Variants in EXOC2 observed in about 807,000 individuals in gnomAD.
EXOC2 encodes exocyst complex component 2.
Under a neutral mutation model 131.8 loss-of-function variants are expected in EXOC2, and 70 were observed. That is an observed-to-expected ratio of 0.53 (90% CI 0.44 to 0.65). The LOEUF is 0.65. Ranked by LOEUF, EXOC2 falls within the 30% of genes least tolerant of loss-of-function variation. The pLI is 0.00. For missense variants in EXOC2, 923 were observed against 1,108.6 expected, an observed-to-expected ratio of 0.83 and a Z score of 2.38; for synonymous variants, 411 against 398.4, an observed-to-expected ratio of 1.03 and a Z score of -0.38.
rs184036542 is a variant in EXOC2, at chr6:615,256, G to A, written c.661+2455C>T. Among the ~76,000 whole-genome samples the A allele has an allele frequency of 1.4e-3, 215 of 151,056 alleles. 1 individual carries two copies. The highest frequency in any genetic ancestry group is 0.011 in the South Asian group (52 of 4,760). On this transcript the variant is annotated intron_variant, in intron 6 of 27. Transcript: ENST00000230449. ...ATTTATCTATCTGTCTCACCTGTTC[G>A]TTCCCAGTCCCCCCTTGAAGCTACT...
At chr6:585,059 C>CA (rs368599845) in intron 11 of EXOC2, among the ~76,000 whole-genome samples, 393 of 152,304 alleles carry the variant, frequency 2.6e-3, no homozygotes, top group African/African-American at 9.0e-3. Flanking sequence ...AGACGGGTGA[C>CA]ACTTCTTAAT....
At chr6:683,715 T>C (rs1244926533) in intron 1 of EXOC2, among the ~76,000 whole-genome samples, 1 of 152,252 alleles carries the variant, frequency 6.6e-6, no homozygotes, top group African/African-American at 2.4e-5. Flanking sequence ...TTTCCAAAAA[T>C]ACATCAACTT....
At chr6:570,258 C>G (rs576198579) in intron 13 of EXOC2, among the ~76,000 whole-genome samples, 25 of 151,884 alleles carry the variant, frequency 1.6e-4, no homozygotes, top group African/African-American at 6.1e-4. Flanking sequence ...CTCAGCCTCC[C>G]GAGTAGCTGC....
intron 23 of EXOC2, among the ~76,000 whole-genome samples, chr6:523,014 C>T (rs552832695): frequency 1.3e-5 from 2 of 151,988 alleles, no homozygotes; most frequent in African/African-American, 2.4e-5. Flanking sequence ...AAATGAACTT[C>T]GAAAGAATAT....
chr6:507,347 C>G (rs1764623104), intron 23 of EXOC2, among the ~76,000 whole-genome samples: 1 of 82,144 alleles, frequency 1.2e-5, no homozygotes, highest in African/African-American at 3.4e-5. Flanking sequence ...ACACACACCA[C>G]AGCAGTGACC....
intron 23 of EXOC2, among the ~76,000 whole-genome samples, chr6:529,796 A>G (rs1035441915): frequency 2.6e-5 from 4 of 152,204 alleles, no homozygotes; most frequent in Non-Finnish European, 5.9e-5. Context: ...AATAGTTTAC[A>G]TAACTAAACA....
intron 13 of EXOC2, among the ~76,000 whole-genome samples, chr6:571,916 A>C (rs1361535685): frequency 6.6e-6 from 1 of 152,240 alleles, no homozygotes; most frequent in Non-Finnish European, 1.5e-5. Context: ...TGTGCCACAC[A>C]TAACAGAGTC....
chr6:685,078 G>A lies in EXOC2; in HGVS notation c.-44+7941C>T, dbSNP rs576556073. ...CCTCATGATGTGAAAACACTATTTCGCTAACAGATCAGACTATAGAAAGGT... is the reference window on the plus strand; with the variant it reads ...CCTCATGATGTGAAAACACTATTTCACTAACAGATCAGACTATAGAAAGGT... On this transcript the variant is annotated intron_variant, in intron 1 of 27. Coordinates refer to ENST00000230449, the MANE Select transcript of EXOC2 (RefSeq NM_018303.6). 4.6e-5 allele frequency among the ~76,000 whole-genome samples: 7 copies of A among 151,914 alleles called. No individual in the cohort carries two copies. In the East Asian group the frequency reaches 7.7e-4, roughly 17 times the overall value.
chr6:687,171 C>CTTTTTTTTTTT (rs762736216), intron 1 of EXOC2, among the ~76,000 whole-genome samples: 1,036 of 78,364 alleles, frequency 0.013, 270 homozygotes, highest in Non-Finnish European at 0.015. Flanking sequence ...AAATAATATT[C>CTTTTTTTTTTT]TTTTTTTTTT....
chr6:551,145 G>A (rs1057190415), intron 21 of EXOC2, among the ~76,000 whole-genome samples: 4 of 152,152 alleles, frequency 2.6e-5, no homozygotes, highest in Non-Finnish European at 4.4e-5. Context: ...TGAAAACAAC[G>A]CCGCCCATCA....
At chr6:521,677 C>T (rs890294160) in intron 23 of EXOC2, among the ~76,000 whole-genome samples, 6 of 152,154 alleles carry the variant, frequency 3.9e-5, no homozygotes, top group African/African-American at 1.2e-4. Context: ...CAGGTATGTG[C>T]CACCATGCCC....
At chr6:639,116 GAGA>G (rs376983098) in intron 1 of EXOC2, among the ~76,000 whole-genome samples, 13 of 152,214 alleles carry the variant, frequency 8.5e-5, no homozygotes, top group African/African-American at 2.6e-4. Context: ...GTCTGGAGAA[GAGA>G]AGTTTAGTCT....
Position 598,863 on chromosome 6 carries a change from T to C in EXOC2, c.967A>G (p.Lys323Glu). 1 of 1,608,964 alleles carries C rather than the reference T, an allele frequency of 6.2e-7. No individual in the cohort carries two copies. Among genetic ancestry groups the C allele is most frequent in the South Asian group, 1.1e-5 (1 of 89,474 alleles). ...FGKTEVQVFK[K>E]YYAEVETRIE... ...AAAAGTAATACATGAATCTTACATT[T>C]CTTGAAAACTTGCACCTCCGTTTTC... Residue 323 changes from lysine to glutamate, a missense_variant, in exon 9 of 28, where the codon AAA becomes GAA. Transcript: ENST00000230449.
intron 2 of EXOC2, among the ~76,000 whole-genome samples, chr6:634,071 C>CT (rs11386557): frequency 0.05 from 7,529 of 150,082 alleles, 204 homozygotes; most frequent in Middle Eastern, 0.079. Flanking sequence ...TTGACGTTTT[C>CT]TTTTTTTTTT....
intron 25 of EXOC2, among the ~76,000 whole-genome samples, chr6:492,538 G>A (rs1763498154): frequency 6.6e-6 from 1 of 152,198 alleles, no homozygotes; most frequent in South Asian, 2.1e-4. Context: ...TAAATAAAAT[G>A]TGGCATATTT....
At chr6:567,636 T>C (rs1158325885) in intron 13 of EXOC2, among the ~76,000 whole-genome samples, 1 of 152,182 alleles carries the variant, frequency 6.6e-6, no homozygotes, top group African/African-American at 2.4e-5. Context: ...ACATTAATGT[T>C]TCATACATGT....
chr6:545,837 A>C (rs1278577345), intron 22 of EXOC2, among the ~76,000 whole-genome samples: 1 of 152,234 alleles, frequency 6.6e-6, no homozygotes, highest in Non-Finnish European at 1.5e-5. Flanking sequence ...GAGAGGTTAA[A>C]AATACTACGT....
intron 26 of EXOC2, 98 bp downstream of exon 26, chr6:491,027 A>T: frequency 8.2e-7 from 1 of 1,222,344 alleles, no homozygotes; most frequent in Non-Finnish European, 1.2e-6. Context: ...ATTCATGAGC[A>T]TGTGCTCTGA....
At chr6:545,078 C>T (rs376765321) in intron 22 of EXOC2, among the ~76,000 whole-genome samples, 20 of 136,372 alleles carry the variant, frequency 1.5e-4, no homozygotes, top group East Asian at 1.4e-3. Flanking sequence ...ACCCGGGAAG[C>T]GGAGCTTGCA....
Sources: allele counts gnomAD v4.1 joint callset (sites outside exome capture counted in the v4.1 genomes callset), GRCh38; gene constraint gnomAD v4.1.1; transcripts MANE v1.5; gene names NCBI Gene and HGNC (gene_info 2026-07-23, HGNC 2026-07-21).